OGFOD2: variants seen among roughly 807,000 people sequenced by gnomAD.
OGFOD2 encodes the protein 2-oxoglutarate and iron dependent oxygenase domain containing 2.
OGFOD2 carries 34 observed loss-of-function variants against 31.1 expected under a neutral mutation model. That is an observed-to-expected ratio of 1.09 (90% CI 0.83 to 1.45). OGFOD2 has a LOEUF of 1.45. Ranked by LOEUF, OGFOD2 falls within the 40% of genes most tolerant of loss-of-function variation. OGFOD2 has a pLI of 0.00. For missense variants in OGFOD2, 537 were observed against 433.9 expected (o/e 1.24, Z -2.11); for synonymous variants, 240 against 192.3 (o/e 1.25, Z -2.05).
rs560184824 is a variant in OGFOD2, at chr12:122,976,299, G to T, written c.190-355G>T. ...CCACTCCCTCCTCCTCCTTCCCCTGGAGTCAGTGGTGGGAAGCTTCCCAGG... is the reference window on the plus strand; with the variant it reads ...CCACTCCCTCCTCCTCCTTCCCCTGTAGTCAGTGGTGGGAAGCTTCCCAGG... On this transcript the variant is annotated intron_variant, in intron 2 of 6. Transcript: ENST00000228922. 6.5e-6 allele frequency: 9 copies of T among 1,390,430 alleles called. No homozygotes were observed. In the South Asian group the frequency reaches 8.2e-5, roughly 13 times the overall value. 86.1% of individuals were successfully genotyped at this position (1,390,430 alleles called of 1,614,324 possible).
chr12:122,978,964 G>C lies in OGFOD2; in HGVS notation c.743G>C (p.Gly248Ala), dbSNP rs540758439. Residue 248 changes from glycine (G) to alanine (A), a missense_variant, in exon 6 of 7, where the codon GGC becomes GCC. Transcript: ENST00000228922. Reference sequence around the variant, plus strand: ...GAGCTCACCCTCAATGTGGCCTTGGGCAAGGTCTTCACAGGGGGCGCCCTG... The same window carrying C: ...GAGCTCACCCTCAATGTGGCCTTGGCCAAGGTCTTCACAGGGGGCGCCCTG... 34 of 1,613,274 alleles carry C rather than the reference G, an allele frequency of 2.1e-5. No homozygotes were observed. In the East Asian group the frequency reaches 7.4e-4, roughly 35 times the overall value.
At chr12:122,975,341 G>A in exon 1 of OGFOD2, 2 of 702,056 alleles carry the variant, frequency 2.8e-6, no homozygotes, top group South Asian at 1.5e-5. Flanking sequence ...GGCTGCACGT[G>A]CGCTTCCGAG....
exon 7 of OGFOD2, chr12:122,979,693 A>G: frequency 6.8e-6 from 2 of 293,408 alleles, no homozygotes; most frequent in South Asian, 7.8e-5. Context: ...CTCCTGGATG[A>G]GGGGGCCAGA....
intron 2 of OGFOD2, chr12:122,976,331 C>T (rs764624632): frequency 6.2e-7 from 1 of 1,604,648 alleles, no homozygotes; most frequent in African/African-American, 1.3e-5. Context: ...CAGGAGAGTC[C>T]TCAGCAACCT....
chr12:122,979,219 C>A (rs1305543995), exon 7 of OGFOD2: 1 of 1,612,492 alleles, frequency 6.2e-7, no homozygotes, highest in African/African-American at 1.3e-5. Context: ...TGGCTCCGAG[C>A]CTCTGCTGTG....
Position 122,976,639 on chromosome 12 carries a change from C to G in OGFOD2, c.190-15C>G. The G allele has an allele frequency of 1.3e-6, 2 of 1,564,114 alleles. No individual in the cohort carries two copies. Among genetic ancestry groups the G allele is most frequent in the South Asian group, 2.2e-5 (2 of 90,080 alleles). The stretch of plus-strand genomic sequence containing the variant: ...ATGGGAGGCCCCACCTGGTAACAAC[C>G]CTGTGCCACCCCAGCTTGAGCAGGA... On this transcript the variant is annotated splice_polypyrimidine_tract_variant and intron_variant, in intron 2 of 6. Transcript: ENST00000228922.
At chr12:122,976,620 G>A (rs1566210242) in intron 2 of OGFOD2, 34 bp from the exon 3 acceptor site, 1 of 1,466,792 alleles carries the variant, frequency 6.8e-7, no homozygotes, top group Non-Finnish European at 9.6e-7. Context: ...GAGGATGGGA[G>A]GCCCCACCTG....
exon 1 of OGFOD2, chr12:122,975,301 G>A (rs1203029938): frequency 1.4e-6 from 1 of 701,884 alleles, no homozygotes; most frequent in Non-Finnish European, 2.6e-6. Context: ...GCCTGCTTCT[G>A]CACCGATAAC....
intron 4 of OGFOD2, 96 bp downstream of exon 4, chr12:122,977,066 C>A: frequency 1.7e-6 from 2 of 1,163,466 alleles, no homozygotes; most frequent in Non-Finnish European, 2.5e-6. Flanking sequence ...ACCATCTCTG[C>A]CTCCAAAAAC....
At chr12:122,978,661 G>A in intron 5 of OGFOD2, 92 bp downstream of exon 5, 2 of 1,587,000 alleles carry the variant, frequency 1.3e-6, no homozygotes, top group Non-Finnish European at 1.7e-6. Flanking sequence ...TGCCCGGGCT[G>A]CGAAAGAAGG....
chr12:122,976,379 C>T lies in OGFOD2; in HGVS notation c.190-275C>T, dbSNP rs201797054. Reference sequence around the variant, plus strand: ...ACTTGGCCATGACTGTCTCCTGTCCCTGTGTGGGCCCAGATGGTTGAGGTA... The same window carrying T: ...ACTTGGCCATGACTGTCTCCTGTCCTTGTGTGGGCCCAGATGGTTGAGGTA... On this transcript the variant is annotated intron_variant, in intron 2 of 6. Coordinates refer to ENST00000228922, the Ensembl canonical transcript of OGFOD2. 38 of 1,613,900 alleles carry T rather than the reference C, an allele frequency of 2.4e-5. No individual in the cohort carries two copies. The East Asian group carries it at 7.8e-4, about 33-fold the overall frequency.
At chr12:122,976,757 A>T in exon 3 of OGFOD2, 1 of 1,612,900 alleles carries the variant, frequency 6.2e-7, no homozygotes, top group Non-Finnish European at 8.5e-7. Context: ...GAGGTCTACG[A>T]CTCACTGCAG....
rs776090100 is a variant in OGFOD2, at chr12:122,975,281, C to T, written c.30C>T (p.Phe10=). 8 of 693,404 alleles carry T rather than the reference C, an allele frequency of 1.2e-5. No individual in the cohort carries two copies. In the East Asian group the frequency reaches 1.6e-4, roughly 14 times the overall value. 43.0% of individuals were successfully genotyped at this position (693,404 alleles called of 1,614,324 possible). Residue 10 remains phenylalanine (F), a synonymous_variant, in exon 1 of 7, where the codon TTC becomes TTT. Transcript: ENST00000228922. ...CGACGGTGGGGGCTCCGCGGCACTT[C>T]TGCCGCTGCGCCTGCTTCTGCACCG...
intron 1 of OGFOD2, 130 bp from the exon 2 acceptor site, chr12:122,975,681 G>C: frequency 3.1e-6 from 2 of 647,966 alleles, no homozygotes; most frequent in South Asian, 3.3e-5. Flanking sequence ...GGGTTCCGCA[G>C]TTCATTCTCT....
chr12:122,978,297 A>G (rs193111592), intron 4 of OGFOD2, 145 bp from the exon 5 acceptor site: 651 of 999,630 alleles, frequency 6.5e-4, no homozygotes, highest in Admixed American at 1.7e-3. Context: ...CCTGCTCCTC[A>G]TGTTACTTCC....
chr12:122,975,585 A>C, intron 1 of OGFOD2: 1 of 592,316 alleles, frequency 1.7e-6, no homozygotes, highest in South Asian at 2.0e-5. Context: ...AGGAATGAAC[A>C]AGCATGTAGG....
chr12:122,975,238 G>A lies in OGFOD2; in HGVS notation c.-14G>A, dbSNP rs1411054441. The A allele has an allele frequency of 1.5e-6, 1 of 664,634 alleles. No homozygotes were observed. Among genetic ancestry groups the A allele is most frequent in the South Asian group, 1.5e-5 (1 of 64,860 alleles). The allele number at this position is 664,634 out of a possible 1,614,324, so 41.2% of individuals were successfully genotyped here. ...TCTCTCTACGGAAGCTGGTAGGGCT[G>A]TGGGTGCTTCACTATGGCGACGGTG... On this transcript the variant is annotated 5_prime_UTR_variant, in exon 1 of 7. Coordinates refer to ENST00000228922, the Ensembl canonical transcript of OGFOD2.
At chr12:122,979,903 AT>A in exon 7 of OGFOD2, 1 of 286,168 alleles carries the variant, frequency 3.5e-6, no homozygotes, top group Non-Finnish European at 6.4e-6. Context: ...CCGGGTTCCC[AT>A]TCTGCTTCTG....
At chr12:122,976,392 G>T in intron 2 of OGFOD2, 1 of 1,613,922 alleles carries the variant, frequency 6.2e-7, no homozygotes, top group African/African-American at 1.3e-5. Context: ...TGTGGGCCCA[G>T]ATGGTTGAGG....
Sources: gnomAD v4.1 joint callset for allele counts on GRCh38, gnomAD v4.1.1 for gene constraint, MANE v1.5 for transcripts, NCBI Gene and HGNC (gene_info 2026-07-23, HGNC 2026-07-21) for gene names.